Variants in USH1C observed in about 807,000 individuals in gnomAD.
The protein encoded by USH1C is USH1 protein network component harmonin.
Under a neutral mutation model 119.3 loss-of-function variants are expected in USH1C, and 90 were observed. The observed-to-expected ratio is 0.75, with a 90% CI of 0.64 to 0.90. The LOEUF is 0.90. Ranked by LOEUF, USH1C falls within the 40% of genes least tolerant of loss-of-function variation. USH1C has a pLI of 0.00. For missense variants in USH1C, 1,165 were observed against 1,167.7 expected (o/e 1.00, Z 0.03); for synonymous variants, 465 against 443.3 (o/e 1.05, Z -0.62).
At chr11:17,542,082 A>G (rs1851493642) in intron 1 of USH1C, among the ~76,000 whole-genome samples, 1 of 152,194 alleles carries the variant, frequency 6.6e-6, no homozygotes, top group Non-Finnish European at 1.5e-5. Context: ...TTCAGCATTC[A>G]TGGTAACCTT....
At chr11:17,524,673 T>C in intron 8 of USH1C, 138 bp from the exon 9 acceptor site, 1 of 953,778 alleles carries the variant, frequency 1.0e-6, no homozygotes, top group Non-Finnish European at 1.6e-6. Flanking sequence ...TCCAGCCTGA[T>C]TTCTACTGCT....
intron 1 of USH1C, among the ~76,000 whole-genome samples, chr11:17,539,985 C>A (rs1851392886): frequency 6.6e-6 from 1 of 151,974 alleles, no homozygotes; most frequent in African/African-American, 2.4e-5. Context: ...GTGCACAACA[C>A]CACACCTGGC....
intron 12 of USH1C, 28 bp downstream of exon 12, chr11:17,522,756 C>T: frequency 1.2e-6 from 2 of 1,613,588 alleles, no homozygotes; most frequent in Non-Finnish European, 1.7e-6. Flanking sequence ...GGAGGCGGGA[C>T]AGGGCATCCA....
At chr11:17,532,028 C>A (rs1237672100) in intron 2 of USH1C, among the ~76,000 whole-genome samples, 1 of 152,210 alleles carries the variant, frequency 6.6e-6, no homozygotes, top group Non-Finnish European at 1.5e-5. Context: ...GTGTAAGGCA[C>A]TCCCTGGCTT....
At chr11:17,509,872 A>T in intron 17 of USH1C, 34 bp from the exon 18 acceptor site, 1 of 1,575,546 alleles carries the variant, frequency 6.3e-7, no homozygotes, top group Non-Finnish European at 8.6e-7. Flanking sequence ...TGTAATTGTC[A>T]CTCTGCTTAG....
Position 17,522,992 on chromosome 11 carries a change from T to C in USH1C, c.877-66A>G. 8.1e-6 allele frequency: 13 copies of C among 1,596,608 alleles called. 1 individual carries two copies. Among genetic ancestry groups the C allele is most frequent in the Admixed American group, 1.7e-5 (1 of 57,394 alleles). On this transcript the variant is annotated intron_variant, in intron 11 of 26. Coordinates refer to ENST00000005226, the MANE Select transcript of USH1C (RefSeq NM_153676.4). ...ACCTGGGGATCCCCTGACACACCCC[T>C]GGGGGCCGAGATGCAGGTGGTCTTC...
intron 1 of USH1C, among the ~76,000 whole-genome samples, chr11:17,535,385 C>A (rs1851194066): frequency 6.6e-6 from 1 of 151,976 alleles, no homozygotes; most frequent in Non-Finnish European, 1.5e-5. Flanking sequence ...ACCTCCTTTC[C>A]AGAGAGGTCT....
chr11:17,511,769 A>G, intron 16 of USH1C, 133 bp downstream of exon 16: 1 of 1,044,092 alleles, frequency 9.6e-7, no homozygotes, highest in Non-Finnish European at 1.4e-6. Context: ...CAGGCTGGGG[A>G]GCAGGAAAGG....
Position 17,504,678 on chromosome 11 carries a change from C to T in USH1C, c.2153G>A (p.Arg718Lys). 1 of 1,614,086 alleles carries T rather than the reference C, an allele frequency of 6.2e-7. No individual in the cohort carries two copies. Among genetic ancestry groups the T allele is most frequent in the Admixed American group, 1.7e-5 (1 of 60,022 alleles). ...SEVLPQEMLK[R>K]MVVYQTAFRQ... ...GAATGCTGTCTGATAAACCACCATCCTCTTCAACATCTCCTGTGGCTGCCA... is the reference window on the plus strand; with the variant it reads ...GAATGCTGTCTGATAAACCACCATCTTCTTCAACATCTCCTGTGGCTGCCA... Residue 718 changes from arginine (R) to lysine (K), a missense_variant, in exon 20 of 27, where the codon AGG becomes AAG. Transcript: ENST00000005226.
chr11:17,539,639 T>C (rs566104218), intron 1 of USH1C, among the ~76,000 whole-genome samples: 37 of 152,228 alleles, frequency 2.4e-4, no homozygotes, highest in Middle Eastern at 3.4e-3. Flanking sequence ...GTGGGATGAA[T>C]AGATCCAGCC....
At chr11:17,511,452 C>T (rs1406153461) in intron 16 of USH1C, among the ~76,000 whole-genome samples, 1 of 152,110 alleles carries the variant, frequency 6.6e-6, no homozygotes, top group Non-Finnish European at 1.5e-5. Context: ...GAAGGGTTAG[C>T]CGCAGACCAT....
In USH1C at chr11:17,505,969, G is replaced by A; in HGVS notation, c.2014-20C>T. On this transcript the variant is annotated intron_variant, in intron 18 of 26. Coordinates refer to ENST00000005226, the MANE Select transcript of USH1C (RefSeq NM_153676.4). ...AAATGTCTAAGGAGTTAGTTTAACAGGGACCCAGGTGAGGTCATGGTGGGG... is the reference window on the plus strand; with the variant it reads ...AAATGTCTAAGGAGTTAGTTTAACAAGGACCCAGGTGAGGTCATGGTGGGG... 6.2e-7 allele frequency: 1 copy of A among 1,614,158 alleles called. No homozygotes were observed. Among genetic ancestry groups the A allele is most frequent in the Non-Finnish European group, 8.5e-7 (1 of 1,179,998 alleles).
intron 15 of USH1C, 104 bp from the exon 16 acceptor site, chr11:17,512,158 A>G: frequency 7.6e-7 from 1 of 1,317,780 alleles, no homozygotes; most frequent in Non-Finnish European, 1.1e-6. Flanking sequence ...TCCCATGGTG[A>G]GCCCCTCCCC....
rs1285810465 is a variant in USH1C, at chr11:17,494,256, G to C, written c.*76C>G. On this transcript the variant is annotated 3_prime_UTR_variant, in exon 27 of 27. Coordinates refer to ENST00000005226, the MANE Select transcript of USH1C (RefSeq NM_153676.4). Reference sequence around the variant, plus strand: ...ATTCAGGTCCCAAGGATGCCATCTGGTGTGTGTAGTGTGGCCTCTCTCAAG... The same window carrying C: ...ATTCAGGTCCCAAGGATGCCATCTGCTGTGTGTAGTGTGGCCTCTCTCAAG... 6.6e-7 allele frequency: 1 copy of C among 1,504,272 alleles called. No homozygotes were observed. The highest frequency in any genetic ancestry group is 9.1e-7 in the Non-Finnish European group (1 of 1,098,182). The allele number at this position is 1,504,272 out of a possible 1,614,324, so 93.2% of individuals were successfully genotyped here. A position where few individuals can be genotyped will look rare whatever the true frequency, so the allele number is the denominator to read the frequency against.
intron 26 of USH1C, among the ~76,000 whole-genome samples, chr11:17,495,280 T>C (rs1849205652): frequency 6.6e-6 from 1 of 152,130 alleles, no homozygotes; most frequent in Non-Finnish European, 1.5e-5. Context: ...TCCTGCTCAT[T>C]TGGGTGCTGC....
At chr11:17,543,072 C>T (rs976948178) in intron 1 of USH1C, among the ~76,000 whole-genome samples, 8 of 152,246 alleles carry the variant, frequency 5.3e-5, no homozygotes, top group African/African-American at 1.9e-4. Context: ...CTCCCACCTA[C>T]ACCACCAGCA....
chr11:17,523,559 C>G lies in USH1C; in HGVS notation c.760-81G>C, dbSNP rs1850524468. On this transcript the variant is annotated intron_variant, in intron 9 of 26. Coordinates refer to ENST00000005226, the MANE Select transcript of USH1C (RefSeq NM_153676.4). ...TCTGCAGGACAGGCTCCCCCAGGGGCTCTGGGTCAGATGCTGGATCTTCAA... is the reference window on the plus strand; with the variant it reads ...TCTGCAGGACAGGCTCCCCCAGGGGGTCTGGGTCAGATGCTGGATCTTCAA... The G allele has an allele frequency of 1.4e-5, 20 of 1,401,400 alleles. No homozygotes were observed. In the South Asian group the frequency reaches 2.4e-4, roughly 17 times the overall value. The allele number at this position is 1,401,400 out of a possible 1,614,324, so 86.8% of individuals were successfully genotyped here.
chr11:17,533,814 C>T (rs577915877), intron 1 of USH1C: 16 of 454,480 alleles, frequency 3.5e-5, no homozygotes, highest in African/African-American at 1.8e-4. Context: ...CCCTTACCAC[C>T]GAATTCTTCT....
intron 1 of USH1C, among the ~76,000 whole-genome samples, chr11:17,543,021 C>T (rs1007304685): frequency 1.3e-5 from 2 of 152,214 alleles, no homozygotes; most frequent in African/African-American, 4.8e-5. Context: ...GGCCTCAACA[C>T]GCAGCACTCA....
Sources: gnomAD v4.1 joint callset for allele counts (sites outside exome capture counted in the v4.1 genomes callset) on GRCh38, gnomAD v4.1.1 for gene constraint, MANE v1.5 for transcripts, NCBI Gene and HGNC (gene_info 2026-07-23, HGNC 2026-07-21) for gene names.